EYA4: variants seen among roughly 807,000 people sequenced by gnomAD.
The protein encoded by EYA4 is EYA transcriptional coactivator and phosphatase 4.
EYA4 carries 31 observed loss-of-function variants against 87.9 expected under a neutral mutation model. That is an observed-to-expected ratio of 0.35 (90% CI 0.27 to 0.48). The LOEUF (loss-of-function observed/expected upper bound fraction) is 0.48, where lower values mean the gene tolerates loss of function less well. Ranked by LOEUF, EYA4 falls within the 20% of genes least tolerant of loss-of-function variation. EYA4 has a pLI of 0.99. For missense variants in EYA4, 678 were observed against 761.4 expected, an observed-to-expected ratio of 0.89 and a Z score of 1.29; for synonymous variants, 263 against 270.6, an observed-to-expected ratio of 0.97 and a Z score of 0.28.
At chr6:133,302,039 C>T (rs779713052) in intron 2 of EYA4, among the ~76,000 whole-genome samples, 6 of 152,038 alleles carry the variant, frequency 3.9e-5, no homozygotes, top group Non-Finnish European at 5.9e-5. Context: ...TCCAGATATT[C>T]GGGGAAGTGA....
chr6:133,423,380 A>T (rs1160475136), intron 3 of EYA4, among the ~76,000 whole-genome samples: 1 of 152,160 alleles, frequency 6.6e-6, no homozygotes, highest in Non-Finnish European at 1.5e-5. Context: ...TTTCTTTCCA[A>T]ATTGGCTGTA....
chr6:133,450,711 A>G (rs959997599), intron 5 of EYA4, among the ~76,000 whole-genome samples: 1 of 152,180 alleles, frequency 6.6e-6, no homozygotes, highest in Non-Finnish European at 1.5e-5. Context: ...GGGTTTCACC[A>G]CGTTGGCCAG....
intron 13 of EYA4, among the ~76,000 whole-genome samples, chr6:133,492,766 GAATC>G (rs1797299156): frequency 6.6e-6 from 1 of 152,098 alleles, no homozygotes; most frequent in African/African-American, 2.4e-5. Context: ...GCAGGATACA[GAATC>G]AATCAACATA....
intron 5 of EYA4, chr6:133,453,711 C>G (rs1793660528): frequency 6.6e-6 from 1 of 151,896 alleles, no homozygotes; most frequent in African/African-American, 2.4e-5. Flanking sequence ...TTGTTCTACC[C>G]TTGCATAGGA....
chr6:133,394,371 A>G (rs368722961), intron 3 of EYA4, among the ~76,000 whole-genome samples: 1 of 143,846 alleles, frequency 7.0e-6, no homozygotes, highest in Non-Finnish European at 1.5e-5. Context: ...GTTATATCAA[A>G]CAAATACTTG....
chr6:133,265,898 G>C (rs190725226), intron 1 of EYA4, among the ~76,000 whole-genome samples: 1 of 152,124 alleles, frequency 6.6e-6, no homozygotes, highest in Non-Finnish European at 1.5e-5. Context: ...TTTCACTTGC[G>C]TTAGCAACAG....
chr6:133,409,563 C>A (rs1273928232), intron 3 of EYA4, among the ~76,000 whole-genome samples: 7 of 152,008 alleles, frequency 4.6e-5, no homozygotes, highest in South Asian at 2.1e-4. Context: ...AAATAGAGGG[C>A]TATTAAGCTG....
intron 4 of EYA4, among the ~76,000 whole-genome samples, chr6:133,447,785 T>C (rs1792998446): frequency 6.6e-6 from 1 of 152,236 alleles, no homozygotes; most frequent in Admixed American, 6.5e-5. Flanking sequence ...GCATCTGTAA[T>C]TTCAGCTAAT....
At chr6:133,523,620 A>G (rs1426407662) in intron 18 of EYA4, among the ~76,000 whole-genome samples, 1 of 152,182 alleles carries the variant, frequency 6.6e-6, no homozygotes, top group Non-Finnish European at 1.5e-5. Context: ...TGTATCAGAA[A>G]ACATAATAGG....
intron 5 of EYA4, among the ~76,000 whole-genome samples, chr6:133,455,885 T>C (rs1390004953): frequency 6.6e-6 from 1 of 152,162 alleles, no homozygotes; most frequent in African/African-American, 2.4e-5. Context: ...GCAAAGATTT[T>C]GCCAAAATAC....
At chr6:133,453,572 T>C (rs1793648758) in intron 5 of EYA4, 1 of 152,066 alleles carries the variant, frequency 6.6e-6, no homozygotes, top group African/African-American at 2.4e-5. Context: ...TGCTTTTTAT[T>C]TAGAAAAATC....
At chr6:133,414,521 C>T (rs371793865) in intron 3 of EYA4, among the ~76,000 whole-genome samples, 88 of 152,254 alleles carry the variant, frequency 5.8e-4, no homozygotes, top group African/African-American at 2.0e-3. Context: ...ATATTTAACA[C>T]GAGATACAGC....
In EYA4 at chr6:133,396,173, T is replaced by C. The variant is rs575199398; in HGVS notation, c.83+13732T>C. ...TCCATTTTTTTAGGCTTGGCTTCCA[T>C]AGGAAGCTCTTCTAATGCATTCTGT... On this transcript the variant is annotated intron_variant, in intron 3 of 19. Transcript: ENST00000355286. Among the ~76,000 whole-genome samples, 52 of 152,330 alleles carry C rather than the reference T, an allele frequency of 3.4e-4. 1 individual carries two copies. The highest frequency in any genetic ancestry group is 2.7e-3 in the Admixed American group (41 of 15,300).
intron 2 of EYA4, among the ~76,000 whole-genome samples, chr6:133,329,611 G>A (rs570823321): frequency 3.0e-4 from 46 of 152,092 alleles, no homozygotes; most frequent in Non-Finnish European, 2.2e-4. Flanking sequence ...GAGAAATGTG[G>A]ATGCCCATGA....
chr6:133,448,483 G>T (rs1793082964), intron 5 of EYA4, among the ~76,000 whole-genome samples: 2 of 151,856 alleles, frequency 1.3e-5, no homozygotes, highest in South Asian at 4.2e-4. Flanking sequence ...GATTAATTTT[G>T]CCCAACAACT....
intron 2 of EYA4, among the ~76,000 whole-genome samples, chr6:133,339,042 G>T (rs188197229): frequency 3.3e-5 from 5 of 152,136 alleles, no homozygotes; most frequent in Admixed American, 6.6e-5. Context: ...TGCTCGGGGT[G>T]CAGGGTCAGG....
intron 13 of EYA4, among the ~76,000 whole-genome samples, chr6:133,483,641 ACCTG>A (rs1236210313): frequency 6.6e-6 from 1 of 151,186 alleles, no homozygotes; most frequent in Non-Finnish European, 1.5e-5. Context: ...CTCATGCCTC[ACCTG>A]CCTTTCTCTC....
chr6:133,461,504 A>G (rs1210392892), intron 7 of EYA4, among the ~76,000 whole-genome samples: 1 of 152,156 alleles, frequency 6.6e-6, no homozygotes, highest in Non-Finnish European at 1.5e-5. Context: ...CTTTTGTTGG[A>G]TTTCCAGTTC....
chr6:133,502,989 T>C (rs1798268489), intron 13 of EYA4, among the ~76,000 whole-genome samples: 1 of 152,228 alleles, frequency 6.6e-6, no homozygotes, highest in South Asian at 2.1e-4. Context: ...ACAGAGTGTG[T>C]GATGTGGAAT....
Sources: gnomAD v4.1 joint callset for allele counts (sites outside exome capture counted in the v4.1 genomes callset) on GRCh38, gnomAD v4.1.1 for gene constraint, MANE v1.5 for transcripts, NCBI Gene and HGNC (gene_info 2026-07-23, HGNC 2026-07-21) for gene names.